Variants in SPMAP2 observed in about 807,000 individuals in gnomAD.
SPMAP2 encodes Theg homolog.
chr19:362,332 G>A, the SPMAP2 span: 77 of 1,610,686 alleles, frequency 4.8e-5, no homozygotes, highest in Non-Finnish European at 5.4e-5. Context: ...CCAGGGAGAT[G>A]ATCCGGGGGC....
the SPMAP2 span, chr19:362,401 G>A: frequency 7.9e-4 from 1,263 of 1,606,396 alleles, 16 homozygotes; most frequent in African/African-American, 0.015. Context: ...GGTCAGGAAC[G>A]CACTTGTCCG....
At chr19:366,812 A>G in the SPMAP2 span, among the ~76,000 whole-genome samples, 1 of 152,334 alleles carries the variant, frequency 6.6e-6, no homozygotes, top group Non-Finnish European at 1.5e-5. Flanking sequence ...CACCCATTTT[A>G]AAGCTGCATT....
At chr19:362,765 T>TAAAAAA in the SPMAP2 span, among the ~76,000 whole-genome samples, 20 of 57,482 alleles carry the variant, frequency 3.5e-4, 1 homozygote, top group African/African-American at 1.2e-3. Flanking sequence ...GACTCCATCT[T>TAAAAAA]AAAAAAAAAA....
the SPMAP2 span, chr19:375,777 G>A: frequency 1.2e-6 from 2 of 1,609,918 alleles, no homozygotes; most frequent in Non-Finnish European, 1.7e-6. Context: ...CTCCTCGGGG[G>A]GAAGCTCCTC....
chr19:372,081 C>T, the SPMAP2 span, among the ~76,000 whole-genome samples: 18 of 152,302 alleles, frequency 1.2e-4, no homozygotes, highest in Non-Finnish European at 1.6e-4. Context: ...ACAGTGTGTG[C>T]GACACCCACA....
chr19:375,630 C>G, the SPMAP2 span: 2 of 1,524,238 alleles, frequency 1.3e-6, no homozygotes, highest in Admixed American at 2.0e-5. Flanking sequence ...CCTACCCCAC[C>G]GCACCCAGGC....
the SPMAP2 span, chr19:373,585 C>G: frequency 1.3e-6 from 2 of 1,570,446 alleles, no homozygotes; most frequent in East Asian, 2.3e-5. Flanking sequence ...TGGCCCTGCC[C>G]GGAAACAAGC....
the SPMAP2 span, chr19:373,543 G>C: frequency 6.2e-7 from 1 of 1,612,538 alleles, no homozygotes; most frequent in South Asian, 1.1e-5. Context: ...TGGAATAAGC[G>C]GACGGCTCAG....
the SPMAP2 span, among the ~76,000 whole-genome samples, chr19:365,166 G>A: frequency 1.3e-5 from 2 of 152,122 alleles, no homozygotes; most frequent in Non-Finnish European, 2.9e-5. Context: ...ACACACACAC[G>A]TCGTGAATAT....
chr19:364,861 CG>C, the SPMAP2 span, among the ~76,000 whole-genome samples: 4 of 152,152 alleles, frequency 2.6e-5, no homozygotes, highest in African/African-American at 9.7e-5. Context: ...GCATAGCAGC[CG>C]GGGCTGTCCT....
At chr19:370,937 T>C in the SPMAP2 span, among the ~76,000 whole-genome samples, 2 of 152,162 alleles carry the variant, frequency 1.3e-5, no homozygotes, top group Non-Finnish European at 2.9e-5. Flanking sequence ...AGATGAGCGC[T>C]TTCTGAACAC....
the SPMAP2 span, among the ~76,000 whole-genome samples, chr19:370,967 A>G: frequency 6.6e-6 from 1 of 152,198 alleles, no homozygotes; most frequent in Non-Finnish European, 1.5e-5. Context: ...GACTGTTCTA[A>G]TTCCTGAGTG....
the SPMAP2 span, chr19:362,477 C>T: frequency 6.9e-7 from 1 of 1,458,088 alleles, no homozygotes; most frequent in African/African-American, 1.4e-5. Flanking sequence ...CCTCAAAGCT[C>T]CACATTCAGG....
chr19:369,546 A>T, the SPMAP2 span, among the ~76,000 whole-genome samples: 1 of 151,694 alleles, frequency 6.6e-6, no homozygotes, highest in Admixed American at 6.6e-5. Context: ...GATGGGGAAG[A>T]GCCTGAGCTC....
At chr19:374,582 A>AAAGAGAGCGGCTCCTG in the SPMAP2 span, 1 of 1,005,256 alleles carries the variant, frequency 9.9e-7, no homozygotes, top group Non-Finnish European at 1.4e-6. Flanking sequence ...GGACTTTGGC[A>AAAGAGAGCGGCTCCTG]CCACGAAGGC....
chr19:371,369 GGTGTGTGTGTGTGT>G, the SPMAP2 span: 23 of 851,090 alleles, frequency 2.7e-5, no homozygotes, highest in Non-Finnish European at 3.6e-5. Flanking sequence ...CGGGGGTGGG[GGTGTGTGTGTGTGT>G]GTGTGTGTGT....
chr19:373,345 G>A, the SPMAP2 span: 1 of 862,228 alleles, frequency 1.2e-6, no homozygotes, highest in Non-Finnish European at 1.9e-6. Context: ...AGACTCCAGT[G>A]GGGAGGACAG....
chr19:375,345 C>T, the SPMAP2 span, among the ~76,000 whole-genome samples: 3 of 152,158 alleles, frequency 2.0e-5, no homozygotes, highest in Non-Finnish European at 4.4e-5. Context: ...GGCCATCACT[C>T]GCTAAACTCT....
At chr19:369,818 A>G in the SPMAP2 span, among the ~76,000 whole-genome samples, 1 of 152,238 alleles carries the variant, frequency 6.6e-6, no homozygotes, top group Non-Finnish European at 1.5e-5. Context: ...GGTGGGGGAC[A>G]TTACAAAGTA....
Sources: allele counts gnomAD v4.1 joint callset (sites outside exome capture counted in the v4.1 genomes callset), GRCh38; gene constraint gnomAD v4.1.1; transcripts MANE v1.5; gene names NCBI Gene and HGNC (gene_info 2026-07-23, HGNC 2026-07-21).